The following SWAP70 variants were observed in gnomAD, a reference collection of about 807,000 sequenced individuals.
SWAP70 encodes the protein switching B cell complex subunit SWAP70, also known as switch-associated protein 70.
SWAP70 carries 34 observed loss-of-function variants against 80.2 expected under a neutral mutation model. The observed-to-expected ratio is 0.42, with a 90% CI of 0.32 to 0.56. The LOEUF (loss-of-function observed/expected upper bound fraction) is 0.56, where lower values mean the gene tolerates loss of function less well. Ranked by LOEUF, SWAP70 falls within the 20% of genes least tolerant of loss-of-function variation. The probability of loss-of-function intolerance (pLI) is 0.09; values close to 1 mark genes in which losing one functional copy is unlikely to be tolerated. For synonymous variants in SWAP70, 239 were observed against 238.5 expected (o/e 1.00, Z -0.02); for missense variants, 578 against 690.7 (o/e 0.84, Z 1.83).
rs147665298 is a variant in SWAP70 at position 9,707,338 on chromosome 11, A to G, written c.241-6128A>G. 4.5e-4 allele frequency among the ~76,000 whole-genome samples: 69 copies of G among 152,118 alleles called. 1 individual carries two copies. Among genetic ancestry groups the G allele is most frequent in the African/African-American group, 1.6e-3 (67 of 41,530 alleles). On this transcript the variant is annotated intron_variant, in intron 2 of 11. Coordinates refer to ENST00000318950, the MANE Select transcript of SWAP70 (RefSeq NM_015055.4). ...TTTCCTTTTCCCCCTGGCCCTGGCA[A>G]TCACCATTCTACTATTTTTTTAAAG...
At chr11:9,713,131 C>G (rs540994249) in intron 2 of SWAP70, among the ~76,000 whole-genome samples, 3 of 152,262 alleles carry the variant, frequency 2.0e-5, no homozygotes, top group Non-Finnish European at 4.4e-5. Flanking sequence ...GCACATGAAA[C>G]TGTAACTATT....
chr11:9,667,893 T>G (rs963202094), intron 1 of SWAP70, among the ~76,000 whole-genome samples: 2 of 152,174 alleles, frequency 1.3e-5, no homozygotes, highest in Non-Finnish European at 2.9e-5. Context: ...TACTGTTGTA[T>G]TTTTTATTTT....
intron 1 of SWAP70, among the ~76,000 whole-genome samples, chr11:9,693,693 C>T (rs917782196): frequency 6.6e-6 from 1 of 152,132 alleles, no homozygotes; most frequent in Non-Finnish European, 1.5e-5. Context: ...TTGCCCAGGT[C>T]AGCCTCCTTG....
intron 3 of SWAP70, among the ~76,000 whole-genome samples, chr11:9,722,272 T>C (rs552377883): frequency 8.5e-5 from 13 of 152,352 alleles, no homozygotes; most frequent in Non-Finnish European, 1.8e-4. Flanking sequence ...CAAACATTAG[T>C]TGAGCTCTGA....
At chr11:9,684,827 A>G (rs1330623694) in intron 1 of SWAP70, among the ~76,000 whole-genome samples, 1 of 152,206 alleles carries the variant, frequency 6.6e-6, no homozygotes, top group Non-Finnish European at 1.5e-5. Context: ...AAATTCTTAA[A>G]TGGGACTAAT....
chr11:9,664,866 A>G lies in SWAP70; in HGVS notation c.99+588A>G, dbSNP rs2134408124. On this transcript the variant is annotated intron_variant, in intron 1 of 11. Transcript: ENST00000318950. ...TTTGACTTGGGAAGACCTTCCGCCC[A>G]GCGTCTTTTAAGTTTGGAACTAGTG... Among the ~76,000 whole-genome samples, 3 of 152,302 alleles carry G rather than the reference A, an allele frequency of 2.0e-5. 1 individual carries two copies. In the Middle Eastern group the frequency reaches 0.01, roughly 518 times the overall value.
intron 2 of SWAP70, among the ~76,000 whole-genome samples, chr11:9,713,242 AGG>A (rs1458639231): frequency 6.6e-6 from 1 of 152,218 alleles, no homozygotes; most frequent in African/African-American, 2.4e-5. Context: ...TTATGTGCCA[AGG>A]GAGTGATATG....
chr11:9,669,271 G>A (rs989654185), intron 1 of SWAP70, among the ~76,000 whole-genome samples: 5 of 152,090 alleles, frequency 3.3e-5, no homozygotes, highest in African/African-American at 1.2e-4. Context: ...TTTTTGAGAC[G>A]GAGTCTTGCT....
At chr11:9,687,935 A>G (rs999233635) in intron 1 of SWAP70, among the ~76,000 whole-genome samples, 2 of 152,184 alleles carry the variant, frequency 1.3e-5, no homozygotes, top group Admixed American at 6.5e-5. Context: ...GAGTTTATGA[A>G]TGACCCAATC....
At chr11:9,695,114 C>A (rs868476692) in intron 2 of SWAP70, among the ~76,000 whole-genome samples, 31 of 152,196 alleles carry the variant, frequency 2.0e-4, no homozygotes, top group Non-Finnish European at 2.1e-4. Flanking sequence ...TATGATGAAA[C>A]CCCATCTCTA....
Position 9,750,201 on chromosome 11 carries a change from C to T in SWAP70, c.*231C>T, listed in dbSNP as rs2133822395. On this transcript the variant is annotated 3_prime_UTR_variant, in exon 12 of 12. Transcript: ENST00000318950. Reference sequence around the variant, plus strand: ...AAAAATACAAAAAAAATTAGCTGAGCGTGGTGGCGGGCGCCTGTAATCCCA... The same window carrying T: ...AAAAATACAAAAAAAATTAGCTGAGTGTGGTGGCGGGCGCCTGTAATCCCA... The T allele has an allele frequency of 7.2e-6, 2 of 278,360 alleles. No homozygotes were observed. The highest frequency in any genetic ancestry group is 4.3e-5 in the Admixed American group (1 of 23,284). The allele number at this position is 278,360 out of a possible 1,614,324, so 17.2% of individuals were successfully genotyped here. A position where few individuals can be genotyped will look rare whatever the true frequency, so the allele number is the denominator to read the frequency against.
At chr11:9,730,326 T>C (rs992146066) in intron 6 of SWAP70, among the ~76,000 whole-genome samples, 2 of 97,590 alleles carry the variant, frequency 2.0e-5, no homozygotes, top group East Asian at 5.0e-4. Context: ...CCGTCTCTAC[T>C]TAAAAAAAAA....
At chr11:9,680,562 C>G (rs980803609) in intron 1 of SWAP70, among the ~76,000 whole-genome samples, 2 of 152,108 alleles carry the variant, frequency 1.3e-5, no homozygotes, top group African/African-American at 4.8e-5. Context: ...ATTACAGGTG[C>G]CCGCTACCAC....
At chr11:9,716,109 G>A (rs1851062837) in intron 3 of SWAP70, among the ~76,000 whole-genome samples, 1 of 152,222 alleles carries the variant, frequency 6.6e-6, no homozygotes, top group South Asian at 2.1e-4. Flanking sequence ...GAACATGATG[G>A]CTGTGAAGAA....
intron 6 of SWAP70, among the ~76,000 whole-genome samples, chr11:9,731,732 T>C (rs796940657): frequency 2.0e-5 from 3 of 152,288 alleles, no homozygotes; most frequent in African/African-American, 7.2e-5. Flanking sequence ...GGAAGACATA[T>C]ATACATACTT....
chr11:9,667,164 T>C (rs771383577), intron 1 of SWAP70, among the ~76,000 whole-genome samples: 15 of 151,912 alleles, frequency 9.9e-5, no homozygotes, highest in African/African-American at 1.5e-4. Flanking sequence ...TGCAATGATA[T>C]GTTTAGTGAT....
chr11:9,678,248 C>T (rs532185821), intron 1 of SWAP70, among the ~76,000 whole-genome samples: 5 of 152,068 alleles, frequency 3.3e-5, no homozygotes, highest in Non-Finnish European at 7.4e-5. Flanking sequence ...CTTGAGTGAG[C>T]CTATTAAAGT....
chr11:9,674,967 TC>T (rs1364678022), intron 1 of SWAP70, among the ~76,000 whole-genome samples: 1 of 141,542 alleles, frequency 7.1e-6, no homozygotes, highest in Non-Finnish European at 1.5e-5. Flanking sequence ...AGACTCCGTC[TC>T]AAAAAAAAAA....
chr11:9,687,736 C>T (rs1023065318), intron 1 of SWAP70, among the ~76,000 whole-genome samples: 1 of 152,170 alleles, frequency 6.6e-6, no homozygotes, highest in Non-Finnish European at 1.5e-5. Flanking sequence ...TCTGCTCTTA[C>T]TGAATCTTCG....
Sources: gnomAD v4.1 joint callset for allele counts (sites outside exome capture counted in the v4.1 genomes callset) on GRCh38, gnomAD v4.1.1 for gene constraint, MANE v1.5 for transcripts, NCBI Gene and HGNC (gene_info 2026-07-23, HGNC 2026-07-21) for gene names.